CDK14: variants seen among roughly 807,000 people sequenced by gnomAD.
CDK14 encodes the protein cyclin-dependent kinase 14.
In CDK14, 34 loss-of-function variants were observed where a neutral mutation model predicts 60.7. The ratio of observed to expected loss-of-function variants is 0.56; its 90% CI spans 0.43 to 0.75. The LOEUF (loss-of-function observed/expected upper bound fraction) is 0.75, where lower values mean the gene tolerates loss of function less well. CDK14 is among the 30% of genes least tolerant of loss of function. CDK14 has a pLI of 0.00. For missense variants in CDK14, 482 were observed against 564.1 expected (o/e 0.85, Z 1.47); for synonymous variants, 197 against 203.7 (o/e 0.97, Z 0.28).
intron 5 of CDK14, among the ~76,000 whole-genome samples, chr7:90,832,468 A>G (rs1023621888): frequency 4.6e-5 from 7 of 152,208 alleles, no homozygotes; most frequent in East Asian, 1.9e-4. Flanking sequence ...CATTTTCAGC[A>G]TGGAATTTAC....
chr7:90,754,909 G>A (rs556355300), intron 4 of CDK14, among the ~76,000 whole-genome samples: 6 of 152,052 alleles, frequency 3.9e-5, no homozygotes, highest in Admixed American at 1.3e-4. Flanking sequence ...AATCAAAACC[G>A]TAATGAGATA....
intron 4 of CDK14, among the ~76,000 whole-genome samples, chr7:90,750,963 C>G (rs968038486): frequency 1.3e-5 from 2 of 151,992 alleles, no homozygotes; most frequent in African/African-American, 4.8e-5. Context: ...GCTTGAAGAC[C>G]AATCTTCTTA....
At chr7:90,715,129 A>G (rs1254554204) in intron 2 of CDK14, among the ~76,000 whole-genome samples, 1 of 152,048 alleles carries the variant, frequency 6.6e-6, no homozygotes, top group African/African-American at 2.4e-5. Context: ...GGGACAGAAT[A>G]GTGAGCTACA....
intron 2 of CDK14, among the ~76,000 whole-genome samples, chr7:90,693,670 C>T (rs1166594408): frequency 6.6e-6 from 1 of 152,126 alleles, no homozygotes; most frequent in Non-Finnish European, 1.5e-5. Context: ...TTCTGTGCTC[C>T]TAAGTCCCAG....
At chr7:90,611,164 C>T (rs1335061292) in intron 2 of CDK14, among the ~76,000 whole-genome samples, 1 of 152,178 alleles carries the variant, frequency 6.6e-6, no homozygotes, top group African/African-American at 2.4e-5. Context: ...TTTCTGCCCT[C>T]TCCTTTTTCT....
intron 14 of CDK14, among the ~76,000 whole-genome samples, chr7:91,192,828 A>G (rs1802410213): frequency 6.6e-6 from 1 of 152,160 alleles, no homozygotes; most frequent in Non-Finnish European, 1.5e-5. Context: ...AGGAAAGAAA[A>G]TCTTCTACTT....
chr7:90,598,562 T>C (rs894389181), intron 1 of CDK14, among the ~76,000 whole-genome samples: 9 of 152,176 alleles, frequency 5.9e-5, no homozygotes, highest in African/African-American at 9.7e-5. Context: ...ATAGGAGATA[T>C]TGAAGTGATT....
chr7:90,815,830 CA>C (rs1217198204), intron 5 of CDK14, among the ~76,000 whole-genome samples: 3 of 151,960 alleles, frequency 2.0e-5, no homozygotes, highest in African/African-American at 7.3e-5. Flanking sequence ...GAAAACCAAA[CA>C]CTGCATGTTC....
intron 5 of CDK14, among the ~76,000 whole-genome samples, chr7:90,857,185 A>G (rs1376589507): frequency 6.6e-6 from 1 of 151,936 alleles, no homozygotes; most frequent in Non-Finnish European, 1.5e-5. Context: ...GTATTATCTC[A>G]AAATTTATTT....
chr7:90,815,571 ATACCCAAAGGATTATAAATCATTT>A (rs67906375), intron 5 of CDK14, among the ~76,000 whole-genome samples: 66,010 of 151,932 alleles, frequency 0.43, 15,134 homozygotes, highest in East Asian at 0.82. Flanking sequence ...TACTGGGTAT[ATACCCAAAGGATTATAAATCATTT>A]TACTATAAAG....
chr7:90,619,856 T>C (rs944341809), intron 2 of CDK14, among the ~76,000 whole-genome samples: 1 of 152,040 alleles, frequency 6.6e-6, no homozygotes, highest in Non-Finnish European at 1.5e-5. Flanking sequence ...AGTTAGCTGG[T>C]GTGGTGGCCC....
rs17866359 is a variant in CDK14 at position 90,611,835 on chromosome 7, T to G, written c.123+7586T>G. Among the ~76,000 whole-genome samples, 557 of 148,736 alleles carry G rather than the reference T, an allele frequency of 3.7e-3. 6 individuals are homozygous for G. Among genetic ancestry groups the G allele is most frequent in the African/African-American group, 0.013 (522 of 40,452 alleles). ...ATCAAACAGTTATCTTTGTGTGTTTTTTTTTTTTTTTTTTTGAGATGGAGT... is the reference window on the plus strand; with the variant it reads ...ATCAAACAGTTATCTTTGTGTGTTTGTTTTTTTTTTTTTTTGAGATGGAGT... On this transcript the variant is annotated intron_variant, in intron 2 of 14. Coordinates refer to ENST00000380050, the MANE Select transcript of CDK14 (RefSeq NM_001287135.2).
chr7:90,889,453 A>C (rs1485558288), intron 6 of CDK14, among the ~76,000 whole-genome samples: 1 of 152,242 alleles, frequency 6.6e-6, no homozygotes, highest in African/African-American at 2.4e-5. Context: ...CTGCCCGTAC[A>C]TTTTGGATTC....
At chr7:90,754,740 T>A (rs1019402331) in intron 4 of CDK14, among the ~76,000 whole-genome samples, 4 of 152,086 alleles carry the variant, frequency 2.6e-5, no homozygotes, top group African/African-American at 9.7e-5. Context: ...ATATCTAGAA[T>A]CTCTGAGGAA....
chr7:90,911,694 G>A (rs1456014390), intron 7 of CDK14, among the ~76,000 whole-genome samples: 1 of 152,080 alleles, frequency 6.6e-6, no homozygotes, highest in East Asian at 1.9e-4. Flanking sequence ...TTTAGACTTC[G>A]GTGAGAGGGA....
chr7:91,037,399 G>T (rs907705485), intron 10 of CDK14, among the ~76,000 whole-genome samples: 1 of 152,032 alleles, frequency 6.6e-6, no homozygotes, highest in Non-Finnish European at 1.5e-5. Context: ...AGACATACAC[G>T]TATGTATGTG....
intron 8 of CDK14, among the ~76,000 whole-genome samples, chr7:90,935,663 A>G (rs762164479): frequency 2.6e-5 from 4 of 152,176 alleles, no homozygotes; most frequent in Non-Finnish European, 4.4e-5. Context: ...TTTCACTAAT[A>G]TATCTATTAG....
chr7:91,016,325 T>C (rs1217625690), intron 10 of CDK14, among the ~76,000 whole-genome samples: 1 of 151,828 alleles, frequency 6.6e-6, no homozygotes, highest in Admixed American at 6.6e-5. Context: ...ACCATGATTT[T>C]TTGTGGCCTT....
chr7:90,747,818 C>T, intron 4 of CDK14, 43 bp downstream of exon 4: 1 of 953,864 alleles, frequency 1.0e-6, no homozygotes, highest in Non-Finnish European at 1.5e-6. Context: ...TACAGTGTAT[C>T]TGCCCTCTTA....
Sources: gnomAD v4.1 joint callset for allele counts (sites outside exome capture counted in the v4.1 genomes callset) on GRCh38, gnomAD v4.1.1 for gene constraint, MANE v1.5 for transcripts, NCBI Gene and HGNC (gene_info 2026-07-23, HGNC 2026-07-21) for gene names.